Variants in CHCHD7 observed in about 807,000 individuals in gnomAD.
CHCHD7 encodes coiled-coil-helix-coiled-coil-helix domain containing 7.
A neutral mutation model predicts 10.5 loss-of-function variants in CHCHD7; 7 were observed. That is an observed-to-expected ratio of 0.67 (90% CI 0.38 to 1.25). CHCHD7 has a LOEUF of 1.25. CHCHD7 is among the 50% of genes most tolerant of loss of function. CHCHD7 has a pLI of 0.02. For synonymous variants in CHCHD7, 40 were observed against 36.0 expected (o/e 1.11, Z -0.40); for missense variants, 100 against 104.5 (o/e 0.96, Z 0.19).
At position 56,217,456 on chromosome 8, in the gene CHCHD7, T is replaced by C. The variant is rs1247935762; in HGVS notation, c.*21T>C. 4 of 1,338,442 alleles carry C rather than the reference T, an allele frequency of 3.0e-6. No individual in the cohort carries two copies. Among genetic ancestry groups the C allele is most frequent in the Middle Eastern group, 1.8e-4 (1 of 5,538 alleles). 82.9% of individuals were successfully genotyped at this position (1,338,442 alleles called of 1,614,324 possible). On this transcript the variant is annotated 3_prime_UTR_variant, in exon 4 of 4. Coordinates refer to ENST00000355315, the MANE Select transcript of CHCHD7 (RefSeq NM_001011671.3). ...ATTGAATGTTTGCATTAAAAGTGTT[T>C]ATATAACTTAGAAGCAGATGAATAT...
intron 1 of CHCHD7, chr8:56,213,279 CT>C: frequency 6.2e-6 from 1 of 161,304 alleles, no homozygotes; most frequent in East Asian, 1.7e-4. Context: ...TCAGTGATTA[CT>C]TAATGGACAC....
In CHCHD7 at chr8:56,217,319, G is replaced by A. The variant is rs1351321294; in HGVS notation, c.154-12G>A. On this transcript the variant is annotated splice_polypyrimidine_tract_variant and intron_variant, in intron 3 of 3. Transcript: ENST00000355315. Reference sequence around the variant, plus strand: ...TTGGTTTCTTCTTTTTTATTTTAATGCCTGTACACAGAATTCTATCGTGAT... The same window carrying A: ...TTGGTTTCTTCTTTTTTATTTTAATACCTGTACACAGAATTCTATCGTGAT... 4 of 1,520,820 alleles carry A rather than the reference G, an allele frequency of 2.6e-6. No homozygotes were observed. The highest frequency in any genetic ancestry group is 2.3e-5 in the East Asian group (1 of 44,246). 94.2% of individuals were successfully genotyped at this position (1,520,820 alleles called of 1,614,324 possible). A position where few individuals can be genotyped will look rare whatever the true frequency, so the allele number is the denominator to read the frequency against.
Position 56,216,428 on chromosome 8 carries a change from G to A in CHCHD7, c.55-5G>A, listed in dbSNP as rs1419596544. 3 of 1,613,952 alleles carry A rather than the reference G, an allele frequency of 1.9e-6. No homozygotes were observed. Among genetic ancestry groups the A allele is most frequent in the Admixed American group, 3.3e-5 (2 of 60,012 alleles). ...TTTAAATGATGCCTCTCTTATATCT[G>A]TAAGGAATCTGATGCTTCCACCAGA... On this transcript the variant is annotated splice_polypyrimidine_tract_variant and splice_region_variant and intron_variant, in intron 2 of 3. Coordinates refer to ENST00000355315, the MANE Select transcript of CHCHD7 (RefSeq NM_001011671.3).
At chr8:56,214,318 G>T (rs1276386786) in intron 1 of CHCHD7, 11 of 223,402 alleles carry the variant, frequency 4.9e-5, no homozygotes, top group South Asian at 3.9e-4. Flanking sequence ...CAGCCCTCTC[G>T]CTCCAGCCTC....
intron 2 of CHCHD7, chr8:56,215,177 G>T (rs1193471490): frequency 6.5e-6 from 1 of 153,354 alleles, no homozygotes; most frequent in African/African-American, 2.4e-5. Context: ...ATACTTACTT[G>T]TGGCTTTGCT....
chr8:56,213,778 T>C (rs1297130937), intron 1 of CHCHD7: 1 of 152,250 alleles, frequency 6.6e-6, no homozygotes, highest in Non-Finnish European at 1.5e-5. Context: ...AAATTTCAAC[T>C]CTTTTGTTTT....
At chr8:56,216,360 C>G in intron 2 of CHCHD7, 73 bp from the exon 3 acceptor site, 1 of 1,590,430 alleles carries the variant, frequency 6.3e-7, no homozygotes. Flanking sequence ...GGGGAAGCAG[C>G]TTTTGTTTGT....
chr8:56,213,912 A>C (rs1813183372), intron 1 of CHCHD7: 1 of 152,330 alleles, frequency 6.6e-6, no homozygotes, highest in South Asian at 2.1e-4. Flanking sequence ...GTTTTTGCTA[A>C]AGTTGGACTG....
In CHCHD7 at chr8:56,218,631, T is replaced by C. The variant is rs1172166040; in HGVS notation, c.*1196T>C. ...AATCATTTCCAAAATTCTTTTGATT[T>C]GTATTGACTGCTATAAAAATGATGG... On this transcript the variant is annotated 3_prime_UTR_variant, in exon 4 of 4. Transcript: ENST00000355315. The C allele has an allele frequency of 1.0e-5, 2 of 200,440 alleles. No homozygotes were observed. The highest frequency in any genetic ancestry group is 1.2e-4 in the Admixed American group (2 of 16,610). 12.4% of individuals were successfully genotyped at this position (200,440 alleles called of 1,614,324 possible).
chr8:56,215,812 T>A (rs181958121), intron 2 of CHCHD7, among the ~76,000 whole-genome samples: 2 of 152,330 alleles, frequency 1.3e-5, no homozygotes, highest in Admixed American at 6.5e-5. Flanking sequence ...AATCCCCATG[T>A]GGCACCTACT....
chr8:56,214,397 G>A (rs1563406848), intron 1 of CHCHD7: 3 of 447,560 alleles, frequency 6.7e-6, no homozygotes, highest in East Asian at 6.8e-5. Context: ...TCCAATATAT[G>A]GCCTTTGTGT....
chr8:56,216,671 C>A, intron 3 of CHCHD7, 140 bp downstream of exon 3: 1 of 877,112 alleles, frequency 1.1e-6, no homozygotes, highest in Non-Finnish European at 1.9e-6. Flanking sequence ...CCTCTGTGTG[C>A]TACTTTAGCC....
chr8:56,212,737 A>G (rs982926926), intron 1 of CHCHD7: 28 of 705,378 alleles, frequency 4.0e-5, no homozygotes, highest in African/African-American at 1.8e-5. Flanking sequence ...CTCACTGTAA[A>G]TTGACATTTC....
At position 56,218,641 on chromosome 8, in the gene CHCHD7, GC is replaced by G. The variant is rs1279759758; in HGVS notation, c.*1207del. 4.5e-5 allele frequency: 9 copies of G among 200,022 alleles called. No individual in the cohort carries two copies. Among genetic ancestry groups the G allele is most frequent in the Non-Finnish European group, 9.3e-5 (9 of 97,178 alleles). The allele number at this position is 200,022 out of a possible 1,614,324, so 12.4% of individuals were successfully genotyped here. A position where few individuals can be genotyped will look rare whatever the true frequency, so the allele number is the denominator to read the frequency against. On this transcript the variant is annotated 3_prime_UTR_variant, in exon 4 of 4. Transcript: ENST00000355315. Reference sequence around the variant, plus strand: ...AAAATTCTTTTGATTTGTATTGACTGCTATAAAAATGATGGATTAAAATAGG... The same window carrying G: ...AAAATTCTTTTGATTTGTATTGACTGTATAAAAATGATGGATTAAAATAGG...
In CHCHD7 at chr8:56,217,503, A is replaced by G; in HGVS notation, c.*68A>G. On this transcript the variant is annotated 3_prime_UTR_variant, in exon 4 of 4. Transcript: ENST00000355315. Reference sequence around the variant, plus strand: ...ATATTTCTAATAAATGATTGCTGTAATATTTAAGACTGTACACCCCTCACC... The same window carrying G: ...ATATTTCTAATAAATGATTGCTGTAGTATTTAAGACTGTACACCCCTCACC... 1.0e-6 allele frequency: 1 copy of G among 997,434 alleles called. No individual in the cohort carries two copies. The highest frequency in any genetic ancestry group is 2.6e-5 in the East Asian group (1 of 39,100). The allele number at this position is 997,434 out of a possible 1,614,324, so 61.8% of individuals were successfully genotyped here. A position where few individuals can be genotyped will look rare whatever the true frequency, so the allele number is the denominator to read the frequency against.
At position 56,216,691 on chromosome 8, in the gene CHCHD7, C is replaced by T. The variant is rs554449990; in HGVS notation, c.153+160C>T. 2.0e-4 allele frequency: 161 copies of T among 793,766 alleles called. 2 individuals carry two copies. The South Asian group carries it at 2.1e-3, about 10-fold the overall frequency. The allele number at this position is 793,766 out of a possible 1,614,324, so 49.2% of individuals were successfully genotyped here. On this transcript the variant is annotated intron_variant, in intron 3 of 3. Coordinates refer to ENST00000355315, the MANE Select transcript of CHCHD7 (RefSeq NM_001011671.3). The stretch of plus-strand genomic sequence containing the variant: ...GTGTGCTACTTTAGCCGTGAAAGAT[C>T]CTTGAGAGCTCTTGTTAGCTGCCTC...
At position 56,217,461 on chromosome 8, in the gene CHCHD7, A is replaced by G. The variant is rs1734405585; in HGVS notation, c.*26A>G. On this transcript the variant is annotated 3_prime_UTR_variant, in exon 4 of 4. Transcript: ENST00000355315. Reference sequence around the variant, plus strand: ...ATGTTTGCATTAAAAGTGTTTATATAACTTAGAAGCAGATGAATATTTCTA... The same window carrying G: ...ATGTTTGCATTAAAAGTGTTTATATGACTTAGAAGCAGATGAATATTTCTA... 2 of 1,287,568 alleles carry G rather than the reference A, an allele frequency of 1.6e-6. No individual in the cohort carries two copies. Among genetic ancestry groups the G allele is most frequent in the Non-Finnish European group, 2.3e-6 (2 of 884,354 alleles). The allele number at this position is 1,287,568 out of a possible 1,614,324, so 79.8% of individuals were successfully genotyped here.
rs981322137 is a variant in CHCHD7 at position 56,217,336 on chromosome 8, T to C, written c.159T>C (p.Ser53=). The part of the protein sequence containing the change: ...RYKNCRRFWN[S]IVMQRRKNGV... ...ATTTTAATGCCTGTACACAGAATTCTATCGTGATGCAGAGAAGAAAGAACG... is the reference window on the plus strand; with the variant it reads ...ATTTTAATGCCTGTACACAGAATTCCATCGTGATGCAGAGAAGAAAGAACG... The change falls in exon 4 of 4, where the codon TCT becomes TCC. Residue 53 remains serine, a synonymous_variant. Coordinates refer to ENST00000355315, the MANE Select transcript of CHCHD7 (RefSeq NM_001011671.3). The C allele has an allele frequency of 6.2e-7, 1 of 1,601,926 alleles. No homozygotes were observed. The highest frequency in any genetic ancestry group is 2.2e-5 in the East Asian group (1 of 44,802).
At chr8:56,212,368 G>T (rs1813048798) in intron 1 of CHCHD7, 1 of 153,588 alleles carries the variant, frequency 6.5e-6, no homozygotes, top group African/African-American at 2.4e-5. Context: ...CAGCTTCCGG[G>T]TTTAGCAGAG....
Sources: allele counts gnomAD v4.1 joint callset (sites outside exome capture counted in the v4.1 genomes callset), GRCh38; gene constraint gnomAD v4.1.1; transcripts MANE v1.5; gene names NCBI Gene and HGNC (gene_info 2026-07-23, HGNC 2026-07-21).